The following MTR variants were observed in gnomAD, a reference collection of about 807,000 sequenced individuals.
MTR encodes the protein 5-methyltetrahydrofolate-homocysteine methyltransferase.
MTR carries 84 observed loss-of-function variants against 154.8 expected under a neutral mutation model. The observed-to-expected ratio is 0.54, with a 90% CI of 0.45 to 0.65. The LOEUF is 0.65. MTR is among the 30% of genes least tolerant of loss of function. MTR has a pLI of 0.00. For synonymous variants in MTR, 554 were observed against 553.9 expected, an observed-to-expected ratio of 1.00 and a Z score of 0.00; for missense variants, 1,275 against 1,570.2, an observed-to-expected ratio of 0.81 and a Z score of 3.18.
At chr1:236,828,978 A>G (rs1572224410) in intron 11 of MTR, among the ~76,000 whole-genome samples, 1 of 152,148 alleles carries the variant, frequency 6.6e-6, no homozygotes, top group South Asian at 2.1e-4. Context: ...GGGCAGGCAC[A>G]TAAAAGGTAC....
At chr1:236,870,996 C>G (rs1017481930) in intron 22 of MTR, among the ~76,000 whole-genome samples, 1 of 152,132 alleles carries the variant, frequency 6.6e-6, no homozygotes, top group Non-Finnish European at 1.5e-5. Context: ...GCAGCCTAAC[C>G]AGTCTCTCTG....
chr1:236,894,349 G>A lies in MTR; in HGVS notation c.3205-8G>A, dbSNP rs1386052266. 1.2e-6 allele frequency: 2 copies of A among 1,614,146 alleles called. No homozygotes were observed. The highest frequency in any genetic ancestry group is 1.7e-6 in the Non-Finnish European group (2 of 1,179,998). ...CCCCCGCACACTCCTACACTCCTTG[G>A]TTTTAAGGCTGAGAAGGACTCTGCC... is the stretch of plus-strand genomic sequence containing the variant. On this transcript the variant is annotated splice_region_variant and splice_polypyrimidine_tract_variant and intron_variant, in intron 29 of 32. Coordinates refer to ENST00000366577, the MANE Select transcript of MTR (RefSeq NM_000254.3).
At chr1:236,892,237 C>T (rs963779239) in intron 29 of MTR, among the ~76,000 whole-genome samples, 2 of 152,096 alleles carry the variant, frequency 1.3e-5, no homozygotes, top group African/African-American at 4.8e-5. Context: ...TTTGAGAGGC[C>T]AAGGTGGGAG....
At chr1:236,827,742 A>G (rs950581524) in intron 11 of MTR, among the ~76,000 whole-genome samples, 2 of 152,178 alleles carry the variant, frequency 1.3e-5, no homozygotes, top group Admixed American at 1.3e-4. Context: ...AAGCATGACC[A>G]TGTGTTTAAT....
chr1:236,888,973 A>G (rs1196330315), intron 27 of MTR, among the ~76,000 whole-genome samples: 1 of 152,200 alleles, frequency 6.6e-6, no homozygotes, highest in Non-Finnish European at 1.5e-5. Flanking sequence ...AGTCAGCTGC[A>G]TGTGAAGAAT....
intron 10 of MTR, 60 bp from the exon 11 acceptor site, chr1:236,826,769 G>T: frequency 1.5e-6 from 2 of 1,344,752 alleles, no homozygotes; most frequent in South Asian, 2.3e-5. Flanking sequence ...TGTTGAATTG[G>T]TGGTAATGAG....
At chr1:236,889,560 T>C (rs776547615) in intron 28 of MTR, among the ~76,000 whole-genome samples, 2 of 152,240 alleles carry the variant, frequency 1.3e-5, no homozygotes, top group Non-Finnish European at 2.9e-5. Context: ...TAAATGTTTA[T>C]TGACATCAGT....
intron 15 of MTR, among the ~76,000 whole-genome samples, chr1:236,839,032 A>G (rs991948286): frequency 3.3e-5 from 5 of 152,202 alleles, no homozygotes; most frequent in African/African-American, 1.2e-4. Context: ...CAGTAAAAAT[A>G]TGGTATTATA....
In MTR at chr1:236,795,735, C is replaced by G. The variant is rs1182148079; in HGVS notation, c.32C>G (p.Pro11Arg). 4 of 1,614,182 alleles carry G rather than the reference C, an allele frequency of 2.5e-6. No individual in the cohort carries two copies. The highest frequency in any genetic ancestry group is 2.5e-6 in the Non-Finnish European group (3 of 1,180,040). MSPALQDLSQ[P>R]EGLKKTLRDE... is the part of the protein sequence containing the mutation. ...CCCGCGCTCCAAGACCTGTCGCAAC[C>G]CGGTAACGCTGCGACCCCGTCTGCG... Residue 11 changes from proline (P) to arginine (R), a missense_variant and splice_region_variant, in exon 1 of 33, where the codon CCC (proline) becomes CGC (arginine). Coordinates refer to ENST00000366577, the MANE Select transcript of MTR (RefSeq NM_000254.3).
chr1:236,817,632 A>G (rs2103066636), intron 8 of MTR, among the ~76,000 whole-genome samples: 1 of 152,332 alleles, frequency 6.6e-6, no homozygotes, highest in East Asian at 1.9e-4. Flanking sequence ...CCCAAGGTGA[A>G]GTAAATAGAG....
chr1:236,822,507 A>G (rs1267425605), intron 8 of MTR, among the ~76,000 whole-genome samples: 2 of 151,786 alleles, frequency 1.3e-5, no homozygotes, highest in Non-Finnish European at 2.9e-5. Context: ...GTAGGGTTTT[A>G]CTGTGTTGCT....
rs1666305319 is a variant in MTR, at chr1:236,891,300, A to G, written c.3175A>G (p.Ile1059Val). The stretch of plus-strand genomic sequence containing the variant: ...TGCTGTGCCCCAGGCTGCAGAGCCC[A>G]TAGCCACCTTCTATGGGTTAAGGCA... ...EAAVPQAAEP[I>V]ATFYGLRQQA... Residue 1059 changes from isoleucine (I) to valine (V), a missense_variant, in exon 29 of 33, where the codon ATA (isoleucine) becomes GTA (valine). Coordinates refer to ENST00000366577, the MANE Select transcript of MTR (RefSeq NM_000254.3). The G allele has an allele frequency of 2.5e-6, 4 of 1,614,176 alleles. No homozygotes were observed. Among genetic ancestry groups the G allele is most frequent in the Non-Finnish European group, 3.4e-6 (4 of 1,180,038 alleles).
chr1:236,824,453 C>A (rs1292974006), intron 9 of MTR, among the ~76,000 whole-genome samples: 1 of 152,210 alleles, frequency 6.6e-6, no homozygotes, highest in Non-Finnish European at 1.5e-5. Context: ...AGTCACATAA[C>A]TGACCAGAGC....
At chr1:236,848,500 A>G (rs1234735487) in intron 15 of MTR, among the ~76,000 whole-genome samples, 1 of 152,168 alleles carries the variant, frequency 6.6e-6, no homozygotes, top group Non-Finnish European at 1.5e-5. Context: ...GTTCAAGCCT[A>G]AAGGCAGCTG....
At chr1:236,821,766 T>C (rs1304426683) in intron 8 of MTR, among the ~76,000 whole-genome samples, 1 of 152,258 alleles carries the variant, frequency 6.6e-6, no homozygotes. Context: ...CTAAATTAAC[T>C]TTTTCAAATG....
chr1:236,811,494 C>T, intron 5 of MTR: 1 of 421,130 alleles, frequency 2.4e-6, no homozygotes. Context: ...GATACCATGT[C>T]TGGTAGTGCA....
intron 6 of MTR, among the ~76,000 whole-genome samples, chr1:236,815,282 C>T (rs1422729447): frequency 6.6e-6 from 1 of 152,208 alleles, no homozygotes; most frequent in Non-Finnish European, 1.5e-5. Flanking sequence ...CGTCCTGTCT[C>T]AGCCTCCTGA....
intron 23 of MTR, 100 bp downstream of exon 23, chr1:236,873,940 G>C: frequency 8.9e-7 from 1 of 1,125,874 alleles, no homozygotes; most frequent in African/African-American, 1.9e-5. Flanking sequence ...TGCCCCATGA[G>C]GGTTCTGTGG....
chr1:236,827,897 G>A (rs1027292640), intron 11 of MTR, among the ~76,000 whole-genome samples: 11 of 152,116 alleles, frequency 7.2e-5, no homozygotes, highest in African/African-American at 2.4e-4. Context: ...CTGTTTTCAT[G>A]TGTGTCATAT....
Sources: allele counts gnomAD v4.1 joint callset (sites outside exome capture counted in the v4.1 genomes callset), GRCh38; gene constraint gnomAD v4.1.1; transcripts MANE v1.5; gene names NCBI Gene and HGNC (gene_info 2026-07-23, HGNC 2026-07-21).